Variants in RRM2 observed in about 807,000 individuals in gnomAD.
RRM2 encodes ribonucleoside-diphosphate reductase subunit M2.
In RRM2, 6 loss-of-function variants were observed where a neutral mutation model predicts 45.9. That is an observed-to-expected ratio of 0.13 (90% CI 0.07 to 0.26). The LOEUF is 0.26. Ranked by LOEUF, RRM2 falls within the 10% of genes least tolerant of loss-of-function variation. The pLI, the probability that RRM2 is intolerant of heterozygous loss-of-function variation, is 1.00. For missense variants in RRM2, 343 were observed against 489.5 expected (o/e 0.70, Z 2.82); for synonymous variants, 177 against 173.0 (o/e 1.02, Z -0.18).
intron 3 of RRM2, among the ~76,000 whole-genome samples, chr2:10,164,491 TG>T (rs1156967108): frequency 1.3e-5 from 2 of 152,180 alleles, no homozygotes; most frequent in Non-Finnish European, 2.9e-5. Flanking sequence ...GCCAGTGAAG[TG>T]GGATGAATCC....
intron 3 of RRM2, among the ~76,000 whole-genome samples, chr2:10,154,100 G>T (rs1161138146): frequency 6.6e-6 from 1 of 152,228 alleles, no homozygotes; most frequent in Non-Finnish European, 1.5e-5. Flanking sequence ...TCTGGGGTTA[G>T]TTAGCTGTAG....
In RRM2 at chr2:10,127,472, C is replaced by T. The variant is rs1326014167; in HGVS notation, c.798+252C>T. On this transcript the variant is annotated intron_variant, in intron 7 of 9. Coordinates refer to ENST00000304567, the MANE Select transcript of RRM2 (RefSeq NM_001034.4). The surrounding 1 kb of genome is among the most constrained non-coding windows in gnomAD (Gnocchi z 4.1). Reference sequence around the variant, plus strand: ...TATAGGCTTTGAATGCATAAAACTACAAGTTCTTTGTTTTTTGAGGTGACG... The same window carrying T: ...TATAGGCTTTGAATGCATAAAACTATAAGTTCTTTGTTTTTTGAGGTGACG... 4 of 371,522 alleles carry T rather than the reference C, an allele frequency of 1.1e-5. No individual in the cohort carries two copies. Among genetic ancestry groups the T allele is most frequent in the Non-Finnish European group, 1.9e-5 (4 of 205,968 alleles). The allele number at this position is 371,522 out of a possible 1,614,324, so 23.0% of individuals were successfully genotyped here.
intron 3 of RRM2, among the ~76,000 whole-genome samples, chr2:10,179,783 C>A (rs1664006276): frequency 6.6e-6 from 1 of 152,230 alleles, no homozygotes; most frequent in Non-Finnish European, 1.5e-5. Context: ...GTTGAACCAT[C>A]ATAAGCCAGG....
chr2:10,135,761 G>C (rs147547069), downstream of RRM2, among the ~76,000 whole-genome samples: 1 of 152,180 alleles, frequency 6.6e-6, no homozygotes, highest in Non-Finnish European at 1.5e-5. Flanking sequence ...AAGCCCATTA[G>C]AGATAGAAGT....
At chr2:10,206,104 G>C (rs1031151356) in intron 3 of RRM2, among the ~76,000 whole-genome samples, 12 of 152,158 alleles carry the variant, frequency 7.9e-5, no homozygotes, top group African/African-American at 2.9e-4. Context: ...AAATTAGCCA[G>C]GCATGGTGGT....
chr2:10,161,817 C>G (rs112997836), intron 3 of RRM2, among the ~76,000 whole-genome samples: 37,048 of 152,182 alleles, frequency 0.24, 5,494 homozygotes, highest in Non-Finnish European at 0.33. Context: ...TTCAGAGAGG[C>G]TAAGGGGCAT....
intron 3 of RRM2, among the ~76,000 whole-genome samples, chr2:10,194,285 A>C (rs1256442401): frequency 6.6e-6 from 1 of 152,184 alleles, no homozygotes; most frequent in African/African-American, 2.4e-5. Context: ...GTGGCCTCTA[A>C]GCAAAGGCGG....
At chr2:10,192,854 A>G (rs528481253) in intron 3 of RRM2, among the ~76,000 whole-genome samples, 1 of 152,258 alleles carries the variant, frequency 6.6e-6, no homozygotes, top group East Asian at 1.9e-4. Flanking sequence ...TCAGCTTCCA[A>G]CTGATGACCC....
chr2:10,196,608 T>C (rs1664420699), intron 3 of RRM2, among the ~76,000 whole-genome samples: 1 of 152,146 alleles, frequency 6.6e-6, no homozygotes, highest in Admixed American at 6.5e-5. Context: ...CCTCTGTGTG[T>C]GGATCCCATG....
intron 3 of RRM2, among the ~76,000 whole-genome samples, chr2:10,176,455 A>G (rs906876961): frequency 6.6e-6 from 1 of 152,014 alleles, no homozygotes; most frequent in East Asian, 1.9e-4. Context: ...TTTAGTAGAG[A>G]CGGGGTTTCT....
intron 7 of RRM2, 42 bp from the exon 8 acceptor site, chr2:10,128,806 A>T (rs1662837680): frequency 7.5e-7 from 1 of 1,333,118 alleles, no homozygotes; most frequent in African/African-American, 1.4e-5. Flanking sequence ...TGTTAATGAC[A>T]GAAGTCTTCT....
intron 3 of RRM2, among the ~76,000 whole-genome samples, chr2:10,187,301 G>A (rs1558401720): frequency 6.6e-6 from 1 of 152,198 alleles, no homozygotes; most frequent in Non-Finnish European, 1.5e-5. Flanking sequence ...AACCGGTCAC[G>A]CAGGGCTCGG....
chr2:10,195,971 C>T lies in RRM2; in HGVS notation n.483-14340C>T, dbSNP rs1387995113. On this transcript the variant is annotated intron_variant and non_coding_transcript_variant, in intron 3 of 3. Coordinates refer to the RRM2 transcript ENST00000381786. The surrounding 1 kb of genome is among the most constrained non-coding windows in gnomAD (Gnocchi z 4.9). The stretch of plus-strand genomic sequence containing the variant: ...CTAGAAATGGTGCCTGGTGCAGCTG[C>T]AGCCGTCTTGCTACCAGCAGGGCAA... Among the ~76,000 whole-genome samples the T allele has an allele frequency of 6.6e-6, 1 of 152,228 alleles. No individual in the cohort carries two copies. Among genetic ancestry groups the T allele is most frequent in the East Asian group, 1.9e-4 (1 of 5,194 alleles).
chr2:10,129,168 T>C lies in RRM2; in HGVS notation c.1017+14T>C, dbSNP rs1382902348. The C allele has an allele frequency of 6.2e-7, 1 of 1,613,938 alleles. No individual in the cohort carries two copies. The highest frequency in any genetic ancestry group is 1.3e-5 in the African/African-American group (1 of 74,956). ...GGTTTTAGCAAGGTAAAGTATTGTT[T>C]ACATAGCCTTTTGCTTGTTTTGAAG... On this transcript the variant is annotated intron_variant, in intron 9 of 9. Transcript: ENST00000304567. The surrounding 1 kb of genome is among the most constrained non-coding windows in gnomAD (Gnocchi z 4.8).
chr2:10,209,218 T>C (rs1025192540), intron 3 of RRM2, among the ~76,000 whole-genome samples: 10 of 152,006 alleles, frequency 6.6e-5, no homozygotes, highest in Non-Finnish European at 1.2e-4. Flanking sequence ...CCACCACGCA[T>C]GGCTAATTTT....
intron 3 of RRM2, among the ~76,000 whole-genome samples, chr2:10,167,861 A>G (rs1390153442): frequency 6.6e-6 from 1 of 152,246 alleles, no homozygotes; most frequent in African/African-American, 2.4e-5. Context: ...CCTTAGGTCA[A>G]ATGTCTGCTT....
chr2:10,191,492 C>A (rs1664305157), intron 3 of RRM2, among the ~76,000 whole-genome samples: 1 of 152,170 alleles, frequency 6.6e-6, no homozygotes, highest in Non-Finnish European at 1.5e-5. Flanking sequence ...CCCAGAGAGG[C>A]TGTGCCTGTG....
rs1558407005 is a variant in RRM2, at chr2:10,200,683, GCACAAATTATGAGTCCCACGGGGAC to G, written n.483-9626_483-9602del. On this transcript the variant is annotated intron_variant and non_coding_transcript_variant, in intron 3 of 3. Transcript: ENST00000381786. ...AATATGAGGCCCACAGGGACTGCGC[GCACAAATTATGAGTCCCACGGGGAC>G]CGCGCACACAAAATATGAGGCCCGC... Among the ~76,000 whole-genome samples the G allele has an allele frequency of 2.6e-4, 33 of 126,712 alleles. 5 individuals carry two copies. The highest frequency in any genetic ancestry group is 8.7e-4 in the African/African-American group (29 of 33,386). 83.1% of individuals were successfully genotyped at this position (126,712 alleles called of 152,430 possible).
At chr2:10,200,411 A>C (rs568171039) in intron 3 of RRM2, among the ~76,000 whole-genome samples, 1 of 137,376 alleles carries the variant, frequency 7.3e-6, no homozygotes, top group Non-Finnish European at 1.6e-5. Flanking sequence ...CGCGCACAAA[A>C]TATGAGGCCC....
Sources: gnomAD v4.1 joint callset for allele counts (sites outside exome capture counted in the v4.1 genomes callset) on GRCh38, gnomAD v4.1.1 for gene constraint, Gnocchi (gnomAD v3.1) non-coding constraint, MANE v1.5 for transcripts, NCBI Gene and HGNC (gene_info 2026-07-23, HGNC 2026-07-21) for gene names.